The following HSPG2 variants were observed in gnomAD, a reference collection of about 807,000 sequenced individuals.
HSPG2 encodes the protein heparan sulfate proteoglycan 2.
In HSPG2, 278 loss-of-function variants were observed where a neutral mutation model predicts 526.6. The observed-to-expected ratio is 0.53, with a 90% CI of 0.48 to 0.58. The LOEUF is 0.58. Ranked by LOEUF, HSPG2 falls within the 20% of genes least tolerant of loss-of-function variation. HSPG2 has a pLI of 0.00. For missense variants in HSPG2, 5,354 were observed against 6,099.5 expected (o/e 0.88, Z 4.07); for synonymous variants, 2,465 against 2,555.4 (o/e 0.96, Z 1.07).
At chr1:21,905,171 CCA>C (rs759299090) in intron 1 of HSPG2, among the ~76,000 whole-genome samples, 1,510 of 81,586 alleles carry the variant, frequency 0.019, 17 homozygotes, top group African/African-American at 0.032. Flanking sequence ...CACCACCCAC[CCA>C]CACACACACA....
intron 55 of HSPG2, among the ~76,000 whole-genome samples, chr1:21,850,906 A>G (rs1321308707): frequency 6.6e-6 from 1 of 152,144 alleles, no homozygotes; most frequent in East Asian, 1.9e-4. Flanking sequence ...AGCTTAGAGT[A>G]CTTTCTGTGA....
intron 28 of HSPG2, 144 bp from the exon 29 acceptor site, chr1:21,874,155 T>C (rs1640870703): frequency 1.2e-6 from 1 of 838,086 alleles, no homozygotes; most frequent in South Asian, 1.7e-5. Context: ...CCTGGCACTG[T>C]GCTAAGAGTT....
chr1:21,834,016 C>A (rs1356714116), intron 77 of HSPG2, 91 bp from the exon 78 acceptor site: 4 of 858,162 alleles, frequency 4.7e-6, no homozygotes, highest in Non-Finnish European at 7.8e-6. Flanking sequence ...CTTCACACCA[C>A]CCCTTGAAGG....
intron 17 of HSPG2, among the ~76,000 whole-genome samples, chr1:21,879,506 C>T (rs1641339960): frequency 6.6e-6 from 1 of 152,206 alleles, no homozygotes; most frequent in Non-Finnish European, 1.5e-5. Context: ...CGCCACTATT[C>T]CTAAGAAATA....
intron 1 of HSPG2, among the ~76,000 whole-genome samples, chr1:21,903,342 T>C (rs1188726747): frequency 6.6e-6 from 1 of 152,196 alleles, no homozygotes; most frequent in African/African-American, 2.4e-5. Context: ...GGCTCACGCC[T>C]GTAGTCCCCG....
Position 21,865,157 on chromosome 1 carries a change from C to T in HSPG2, c.4396-84G>A. 1 of 1,520,100 alleles carries T rather than the reference C, an allele frequency of 6.6e-7. No individual in the cohort carries two copies. The highest frequency in any genetic ancestry group is 9.1e-7 in the Non-Finnish European group (1 of 1,096,908). 94.2% of individuals were successfully genotyped at this position (1,520,100 alleles called of 1,614,324 possible). On this transcript the variant is annotated intron_variant, in intron 35 of 96. Transcript: ENST00000374695. The surrounding 1 kb of genome is among the most constrained non-coding windows in gnomAD (Gnocchi z 5.4). ...TTACCACCCCCCAAATCCTGCCTTA[C>T]AGGCACTGACTGAGGGCTGCCAGGT... is the stretch of plus-strand genomic sequence containing the variant.
chr1:21,899,536 G>A (rs1212785529), intron 1 of HSPG2, among the ~76,000 whole-genome samples: 1 of 152,154 alleles, frequency 6.6e-6, no homozygotes, highest in East Asian at 1.9e-4. Flanking sequence ...TGGCAGGGCT[G>A]AGATTTGAAC....
At chr1:21,842,745 A>G (rs768227455) in intron 67 of HSPG2, 25 bp downstream of exon 67, 3 of 1,612,186 alleles carry the variant, frequency 1.9e-6, no homozygotes, top group East Asian at 2.2e-5. Flanking sequence ...CTGACCTGGA[A>G]TCCTCCCCAT....
At chr1:21,841,738 C>T in intron 69 of HSPG2, 65 bp from the exon 70 acceptor site, 2 of 1,595,574 alleles carry the variant, frequency 1.3e-6, no homozygotes, top group Non-Finnish European at 1.7e-6. Context: ...CTTGGTGCTG[C>T]CAGCCTGTGC....
At chr1:21,907,902 T>C (rs1643461495) in intron 1 of HSPG2, among the ~76,000 whole-genome samples, 1 of 152,226 alleles carries the variant, frequency 6.6e-6, no homozygotes, top group African/African-American at 2.4e-5. Flanking sequence ...AGCAAGTCAT[T>C]TCTCCTCTCT....
chr1:21,823,268 TGTCGGGCTGGGGCGTG>T lies in HSPG2; in HGVS notation c.*32_*47del. On this transcript the variant is annotated 3_prime_UTR_variant, in exon 97 of 97. Coordinates refer to ENST00000374695, the MANE Select transcript of HSPG2 (RefSeq NM_005529.7). ...ATATTAATAATAATATACTCGACAT[TGTCGGGCTGGGGCGTG>T]GCCCGGGAGTCCGTGTGGGGCAGGC... is the stretch of plus-strand genomic sequence containing the variant. The T allele has an allele frequency of 7.0e-7, 1 of 1,422,874 alleles. No individual in the cohort carries two copies. Among genetic ancestry groups the T allele is most frequent in the Non-Finnish European group, 9.3e-7 (1 of 1,076,842 alleles). 88.1% of individuals were successfully genotyped at this position (1,422,874 alleles called of 1,614,324 possible). A position where few individuals can be genotyped will look rare whatever the true frequency, so the allele number is the denominator to read the frequency against.
chr1:21,909,797 G>A (rs1413487396), intron 1 of HSPG2, among the ~76,000 whole-genome samples: 1 of 152,190 alleles, frequency 6.6e-6, no homozygotes, highest in African/African-American at 2.4e-5. Flanking sequence ...AGCAGGAGAG[G>A]GTGCCAAGAG....
chr1:21,933,692 G>T (rs1383624279), intron 1 of HSPG2, among the ~76,000 whole-genome samples: 1 of 152,248 alleles, frequency 6.6e-6, no homozygotes, highest in Admixed American at 6.5e-5. Flanking sequence ...CTAAGGGATG[G>T]GGGGGTGGTC....
In HSPG2 at chr1:21,831,824, A is replaced by G. The variant is rs770966914; in HGVS notation, c.11208-28T>C. The stretch of plus-strand genomic sequence containing the variant: ...GCTCCGTGGGGCAGGCCGGGGCAGG[A>G]GAGAGTGGATAGGGGGTTTGTAAGA... On this transcript the variant is annotated intron_variant, in intron 81 of 96. Coordinates refer to ENST00000374695, the MANE Select transcript of HSPG2 (RefSeq NM_005529.7). 5.7e-6 allele frequency: 9 copies of G among 1,578,692 alleles called. No homozygotes were observed. In the African/African-American group the frequency reaches 1.2e-4, roughly 21 times the overall value.
chr1:21,832,917 G>A (rs918160433), intron 80 of HSPG2: 7 of 562,750 alleles, frequency 1.2e-5, no homozygotes, highest in South Asian at 2.1e-5. Context: ...TCAGAGACCC[G>A]TAAGAGACGA....
chr1:21,908,687 G>A (rs1360891283), intron 1 of HSPG2: 1 of 505,670 alleles, frequency 2.0e-6, no homozygotes, highest in Non-Finnish European at 3.4e-6. Context: ...ACTGCTTAAT[G>A]AGTTTGAAAG....
chr1:21,865,847 T>C lies in HSPG2; in HGVS notation c.4222-38A>G, dbSNP rs1036743579. 10 of 1,523,442 alleles carry C rather than the reference T, an allele frequency of 6.6e-6. No homozygotes were observed. The highest frequency in any genetic ancestry group is 9.1e-6 in the Non-Finnish European group (10 of 1,098,472). The allele number at this position is 1,523,442 out of a possible 1,614,324, so 94.4% of individuals were successfully genotyped here. A position where few individuals can be genotyped will look rare whatever the true frequency, so the allele number is the denominator to read the frequency against. On this transcript the variant is annotated intron_variant, in intron 33 of 96. Transcript: ENST00000374695. The surrounding 1 kb of genome is among the most constrained non-coding windows in gnomAD (Gnocchi z 5.4). Reference sequence around the variant, plus strand: ...AAGCCCAGAGGTCACAGGCTGACCTTGGGGTGTGAGTGTTGGACCATATAG... The same window carrying C: ...AAGCCCAGAGGTCACAGGCTGACCTCGGGGTGTGAGTGTTGGACCATATAG...
chr1:21,847,448 G>A lies in HSPG2; in HGVS notation c.8070C>T (p.Asp2690=), dbSNP rs759491376. ...TGGCCCGGCACACATACTCGCCCGA[G>A]TCAGCCACAGACATTTGGTGCAACC... The part of the protein sequence containing the change: ...HLRLHQMSVA[D]SGEYVCRANN... The change falls in exon 62 of 97, where the codon GAC becomes GAT. Residue 2690 remains aspartate (D), a synonymous_variant. Coordinates refer to ENST00000374695, the MANE Select transcript of HSPG2 (RefSeq NM_005529.7). The surrounding 1 kb of genome is among the most constrained non-coding windows in gnomAD (Gnocchi z 4.1). The A allele has an allele frequency of 1.9e-6, 3 of 1,613,808 alleles. No homozygotes were observed.
intron 6 of HSPG2, 22 bp from the exon 7 acceptor site, chr1:21,888,088 A>C (rs1397980780): frequency 6.2e-7 from 1 of 1,613,642 alleles, no homozygotes; most frequent in Non-Finnish European, 8.5e-7. Context: ...AAGGAAGCAG[A>C]CTGGAGTCAG....
Sources: allele counts gnomAD v4.1 joint callset (sites outside exome capture counted in the v4.1 genomes callset), GRCh38; gene constraint gnomAD v4.1.1; non-coding constraint Gnocchi (gnomAD v3.1); transcripts MANE v1.5; gene names NCBI Gene and HGNC (gene_info 2026-07-23, HGNC 2026-07-21).